Variants in COX6B1 observed in about 807,000 individuals in gnomAD.
The protein encoded by COX6B1 is cytochrome c oxidase subunit 6B1.
COX6B1 carries 2 observed loss-of-function variants against 14.0 expected under a neutral mutation model. The observed-to-expected ratio is 0.14, with a 90% CI of 0.06 to 0.45. The LOEUF (loss-of-function observed/expected upper bound fraction) is 0.45, where lower values mean the gene tolerates loss of function less well. COX6B1 is among the 20% of genes least tolerant of loss of function. The pLI is 0.98. For missense variants in COX6B1, 81 were observed against 114.2 expected, an observed-to-expected ratio of 0.71 and a Z score of 1.33; for synonymous variants, 30 against 39.7, an observed-to-expected ratio of 0.76 and a Z score of 0.92.
At chr19:35,649,016 T>C (rs1168384603) in intron 1 of COX6B1, 6 of 491,340 alleles carry the variant, frequency 1.2e-5, no homozygotes, top group Non-Finnish European at 2.5e-5. Context: ...CCACCTTGCG[T>C]CGCTTGAATT....
At chr19:35,657,732 C>T (rs1310158230) in intron 3 of COX6B1, among the ~76,000 whole-genome samples, 1 of 148,020 alleles carries the variant, frequency 6.8e-6, no homozygotes, top group East Asian at 2.0e-4. Flanking sequence ...TCATAGCTCA[C>T]TGCAGCCTCG....
chr19:35,658,004 T>C (rs927472308), intron 3 of COX6B1, among the ~76,000 whole-genome samples: 1 of 151,852 alleles, frequency 6.6e-6, no homozygotes, highest in Admixed American at 6.6e-5. Flanking sequence ...GTTGTCCAGG[T>C]TGGTCTCAAA....
At chr19:35,649,561 C>T (rs1457302038) in intron 1 of COX6B1, among the ~76,000 whole-genome samples, 3 of 151,894 alleles carry the variant, frequency 2.0e-5, no homozygotes, top group Admixed American at 6.6e-5. Context: ...TCACTGCAAC[C>T]TCCGCCTCTT....
At position 35,658,586 on chromosome 19, in the gene COX6B1, T is replaced by C; in HGVS notation, c.208-8T>C. The C allele has an allele frequency of 6.2e-7, 1 of 1,613,554 alleles. No individual in the cohort carries two copies. Among genetic ancestry groups the C allele is most frequent in the Admixed American group, 1.7e-5 (1 of 59,994 alleles). ...CACTGCGGAGGGAATAACACTGTCT[T>C]TCCACAGGTCACAGACTGGGATGAG... On this transcript the variant is annotated splice_region_variant and splice_polypyrimidine_tract_variant and intron_variant, in intron 3 of 3. Coordinates refer to ENST00000649813, the MANE Select transcript of COX6B1 (RefSeq NM_001863.5).
At chr19:35,654,439 T>G (rs1599622434) in intron 2 of COX6B1, 132 bp from the exon 3 acceptor site, 1 of 745,482 alleles carries the variant, frequency 1.3e-6, no homozygotes, top group Admixed American at 1.9e-5. Context: ...CAGGAGGAGG[T>G]AGAGGTTGCA....
In COX6B1 at chr19:35,653,643, T is replaced by C. The variant is rs1344016746; in HGVS notation, c.107-928T>C. On this transcript the variant is annotated intron_variant, in intron 2 of 3. Coordinates refer to ENST00000649813, the MANE Select transcript of COX6B1 (RefSeq NM_001863.5). The stretch of plus-strand genomic sequence containing the variant: ...TCGCCCAGGCTGGAGTGCAGTGGCG[T>C]GATCTCGGCTCCCTGCAAGCTCCGC... Among the ~76,000 whole-genome samples, 8 of 148,290 alleles carry C rather than the reference T, an allele frequency of 5.4e-5. No individual in the cohort carries two copies. In the East Asian group the frequency reaches 1.6e-3, roughly 30 times the overall value.
At chr19:35,650,403 A>G (rs1967811952) in intron 1 of COX6B1, among the ~76,000 whole-genome samples, 1 of 152,112 alleles carries the variant, frequency 6.6e-6, no homozygotes, top group African/African-American at 2.4e-5. Flanking sequence ...AGCCTATGCA[A>G]TTTTTAAATA....
At chr19:35,656,684 T>A (rs1967892441) in intron 3 of COX6B1, among the ~76,000 whole-genome samples, 1 of 151,988 alleles carries the variant, frequency 6.6e-6, no homozygotes, top group South Asian at 2.1e-4. Context: ...TTTCACCATG[T>A]TGGCCAGGCT....
intron 2 of COX6B1, among the ~76,000 whole-genome samples, chr19:35,654,369 G>A (rs915020031): frequency 6.6e-6 from 1 of 152,142 alleles, no homozygotes; most frequent in African/African-American, 2.4e-5. Context: ...GCTGGGCATG[G>A]TGGCAGGTGC....
intron 3 of COX6B1, among the ~76,000 whole-genome samples, chr19:35,656,262 G>C (rs1967888271): frequency 6.6e-6 from 1 of 152,204 alleles, no homozygotes; most frequent in Non-Finnish European, 1.5e-5. Flanking sequence ...AATAACCCAA[G>C]TTAAAACATT....
chr19:35,656,719 G>T (rs1967892728), intron 3 of COX6B1, among the ~76,000 whole-genome samples: 1 of 152,118 alleles, frequency 6.6e-6, no homozygotes, highest in Non-Finnish European at 1.5e-5. Context: ...GACCTCAGGT[G>T]ATGCACCTGC....
intron 2 of COX6B1, among the ~76,000 whole-genome samples, chr19:35,653,347 A>T (rs1474861382): frequency 1.4e-5 from 2 of 145,266 alleles, no homozygotes; most frequent in African/African-American, 5.2e-5. Context: ...ACCTTGGCTC[A>T]CTGCAACCTC....
At chr19:35,651,412 G>A in intron 2 of COX6B1, 63 bp downstream of exon 2, 3 of 1,281,790 alleles carry the variant, frequency 2.3e-6, no homozygotes, top group Admixed American at 1.8e-5. Context: ...CTTCCTAGGG[G>A]ACCCATCCAC....
At chr19:35,653,850 G>C (rs551093272) in intron 2 of COX6B1, among the ~76,000 whole-genome samples, 1 of 152,158 alleles carries the variant, frequency 6.6e-6, no homozygotes, top group Non-Finnish European at 1.5e-5. Context: ...TTACAGGCAT[G>C]AGCCACTAGG....
intron 2 of COX6B1, among the ~76,000 whole-genome samples, chr19:35,651,942 G>A (rs980459128): frequency 2.6e-5 from 4 of 151,978 alleles, no homozygotes; most frequent in Admixed American, 6.6e-5. Context: ...AACATGTACA[G>A]CTAAATGAAT....
intron 3 of COX6B1, among the ~76,000 whole-genome samples, chr19:35,658,311 A>C (rs1238831739): frequency 1.4e-4 from 22 of 151,760 alleles, no homozygotes; most frequent in Admixed American, 1.4e-3. Context: ...AGCAGGGCCC[A>C]CCCTTGGAGC....
In COX6B1 at chr19:35,651,408, A is replaced by G; in HGVS notation, c.106+59A>G. ...AGTCACTCACCGCTTGCCTCTTCCT[A>G]GGGGACCCATCCACCCCAGCCTCCT... On this transcript the variant is annotated intron_variant, in intron 2 of 3. Transcript: ENST00000649813. 4 of 1,332,706 alleles carry G rather than the reference A, an allele frequency of 3.0e-6. No homozygotes were observed. The East Asian group carries it at 9.4e-5, about 31-fold the overall frequency. The allele number at this position is 1,332,706 out of a possible 1,614,324, so 82.6% of individuals were successfully genotyped here.
At chr19:35,649,736 TC>T (rs1333532054) in intron 1 of COX6B1, among the ~76,000 whole-genome samples, 1 of 151,934 alleles carries the variant, frequency 6.6e-6, no homozygotes, top group African/African-American at 2.4e-5. Flanking sequence ...CACCTCGGCT[TC>T]CCAAAGTGCT....
rs767516700 is a variant in COX6B1 at position 35,651,224 on chromosome 19, C to T, written c.-11-9C>T. The T allele has an allele frequency of 1.4e-5, 23 of 1,599,864 alleles. No homozygotes were observed. The highest frequency in any genetic ancestry group is 1.7e-4 in the Middle Eastern group (1 of 6,044). Reference sequence around the variant, plus strand: ...GGCCCCTGCTGACACCCACTCCTTTCGCCTCCAGGATTCAGCACCATGGCG... The same window carrying T: ...GGCCCCTGCTGACACCCACTCCTTTTGCCTCCAGGATTCAGCACCATGGCG... On this transcript the variant is annotated splice_polypyrimidine_tract_variant and intron_variant, in intron 1 of 3. Transcript: ENST00000649813.
Sources: gnomAD v4.1 joint callset for allele counts (sites outside exome capture counted in the v4.1 genomes callset) on GRCh38, gnomAD v4.1.1 for gene constraint, MANE v1.5 for transcripts, NCBI Gene and HGNC (gene_info 2026-07-23, HGNC 2026-07-21) for gene names.